The following KAT14 variants were observed in gnomAD, a reference collection of about 807,000 sequenced individuals.
The protein encoded by KAT14 is lysine acetyltransferase 14.
Under a neutral mutation model 78.4 loss-of-function variants are expected in KAT14, and 66 were observed. The observed-to-expected ratio is 0.84, with a 90% CI of 0.69 to 1.03. KAT14 has a LOEUF of 1.03. Among genes scored for constraint, KAT14 ranks in the 50% least tolerant of loss-of-function variants. KAT14 has a pLI of 0.00. For missense variants in KAT14, 870 were observed against 972.5 expected (o/e 0.89, Z 1.40); for synonymous variants, 344 against 359.4 (o/e 0.96, Z 0.48).
chr20:18,171,587 G>A (rs915062731), intron 7 of KAT14, among the ~76,000 whole-genome samples: 2 of 152,188 alleles, frequency 1.3e-5, no homozygotes, highest in Admixed American at 6.5e-5. Flanking sequence ...CGAGGCGGGC[G>A]GATCACGTGA....
chr20:18,163,775 T>C (rs2038534495), intron 7 of KAT14, among the ~76,000 whole-genome samples: 1 of 152,156 alleles, frequency 6.6e-6, no homozygotes, highest in Admixed American at 6.6e-5. Context: ...GCTGGACATG[T>C]GGTGTGTGGG....
intron 7 of KAT14, among the ~76,000 whole-genome samples, chr20:18,181,089 C>T (rs1354102808): frequency 6.6e-6 from 1 of 152,088 alleles, no homozygotes; most frequent in African/African-American, 2.4e-5. Context: ...AAAGTGAAGC[C>T]TAGAGAAGCT....
chr20:18,155,483 A>G (rs1330579293), intron 4 of KAT14, among the ~76,000 whole-genome samples: 1 of 152,114 alleles, frequency 6.6e-6, no homozygotes, highest in Admixed American at 6.6e-5. Flanking sequence ...AATACTGGGT[A>G]TTTGTGCTCT....
At position 18,164,611 on chromosome 20, in the gene KAT14, C is replaced by CTTTTTTTTTTTTTTT. The variant is rs1568669495; in HGVS notation, c.1668+1668_1668+1669insTTTTTTTTTTTTTTT. 2.4e-4 allele frequency among the ~76,000 whole-genome samples: 10 copies of CTTTTTTTTTTTTTTT among 42,492 alleles called. 5 individuals carry two copies. Among genetic ancestry groups the CTTTTTTTTTTTTTTT allele is most frequent in the Non-Finnish European group, 4.5e-4 (8 of 17,942 alleles). 27.9% of individuals were successfully genotyped at this position (42,492 alleles called of 152,430 possible). A position where few individuals can be genotyped will look rare whatever the true frequency, so the allele number is the denominator to read the frequency against. On this transcript the variant is annotated intron_variant, in intron 7 of 10. Transcript: ENST00000688188. ...TTTGTTAGTCATCTATTCACTTGTT[C>CTTTTTTTTTTTTTTT]TTGTTCTTTTTTTTTTTTTTTTTGA...
At chr20:18,175,730 T>C (rs112716865) in intron 7 of KAT14, among the ~76,000 whole-genome samples, 1 of 151,952 alleles carries the variant, frequency 6.6e-6, no homozygotes, top group Middle Eastern at 3.4e-3. Context: ...GTACATAACA[T>C]ACACCGAGAG....
At chr20:18,140,840 A>AAACAG (rs1230581728) in intron 1 of KAT14, among the ~76,000 whole-genome samples, 1 of 140,438 alleles carries the variant, frequency 7.1e-6, no homozygotes, top group African/African-American at 2.7e-5. Flanking sequence ...AAAAAAACCA[A>AAACAG]TAAAACAAAA....
At chr20:18,184,205 C>T (rs191900956) in intron 9 of KAT14, among the ~76,000 whole-genome samples, 42 of 152,236 alleles carry the variant, frequency 2.8e-4, no homozygotes, top group Admixed American at 5.9e-4. Context: ...AGAACACGCT[C>T]GGAGGATCTT....
chr20:18,164,218 C>T (rs916569239), intron 7 of KAT14, among the ~76,000 whole-genome samples: 10 of 152,246 alleles, frequency 6.6e-5, no homozygotes, highest in Non-Finnish European at 1.0e-4. Flanking sequence ...GGAGCCAAGT[C>T]GGGAGGGCCC....
chr20:18,181,978 T>C, intron 8 of KAT14, 132 bp downstream of exon 8: 1 of 1,361,004 alleles, frequency 7.3e-7, no homozygotes, highest in African/African-American at 1.5e-5. Flanking sequence ...GACTGAGTTC[T>C]GTGCTTCACC....
rs2038943605 is a variant in KAT14 at position 18,173,938 on chromosome 20, T to G, written c.1669-7772T>G. 2.0e-5 allele frequency among the ~76,000 whole-genome samples: 3 copies of G among 152,206 alleles called. No individual in the cohort carries two copies. In the South Asian group the frequency reaches 6.2e-4, roughly 32 times the overall value. On this transcript the variant is annotated intron_variant, in intron 7 of 10. Transcript: ENST00000688188. ...GAACCATAATCAATTTTAGAACATTTTGTTAACCCACAAAGAATCCCTGAA... is the reference window on the plus strand; with the variant it reads ...GAACCATAATCAATTTTAGAACATTGTGTTAACCCACAAAGAATCCCTGAA...
chr20:18,157,525 G>A (rs1439515064), intron 4 of KAT14, among the ~76,000 whole-genome samples: 2 of 152,104 alleles, frequency 1.3e-5, no homozygotes, highest in Non-Finnish European at 2.9e-5. Context: ...GTATGTTCAC[G>A]TATTTGAATA....
chr20:18,164,208 G>A (rs2038550395), intron 7 of KAT14, among the ~76,000 whole-genome samples: 1 of 152,122 alleles, frequency 6.6e-6, no homozygotes, highest in African/African-American at 2.4e-5. Flanking sequence ...CTGCCTACCA[G>A]GAGCCAAGTC....
intron 4 of KAT14, among the ~76,000 whole-genome samples, chr20:18,152,576 C>T (rs756000667): frequency 6.6e-6 from 1 of 152,132 alleles, no homozygotes; most frequent in African/African-American, 2.4e-5. Context: ...GACTCCATCT[C>T]AAACAAACAA....
chr20:18,183,181 C>T lies in KAT14; in HGVS notation c.1864C>T (p.Leu622=). The T allele has an allele frequency of 2.5e-6, 4 of 1,613,994 alleles. No individual in the cohort carries two copies. In the South Asian group the frequency reaches 3.3e-5, roughly 13 times the overall value. Residue 622 remains leucine, a synonymous_variant, in exon 9 of 11, where the codon CTG becomes TTG. Transcript: ENST00000688188. The part of the protein sequence containing the change: ...LQLLSQIRSH[L]HRSDPHWTPE... ...GCTCCTGTCACAGATTCGTTCCCACCTGCACAGGAGCGACCCTCACTGGAC... is the reference window on the plus strand; with the variant it reads ...GCTCCTGTCACAGATTCGTTCCCACTTGCACAGGAGCGACCCTCACTGGAC...
rs2038433402 is a variant in KAT14 at position 18,161,816 on chromosome 20, T to C, written c.683-7T>C. The C allele has an allele frequency of 6.2e-7, 1 of 1,610,020 alleles. No individual in the cohort carries two copies. Among genetic ancestry groups the C allele is most frequent in the Non-Finnish European group, 8.5e-7 (1 of 1,178,522 alleles). On this transcript the variant is annotated splice_polypyrimidine_tract_variant and splice_region_variant and intron_variant, in intron 5 of 10. Transcript: ENST00000688188. Reference sequence around the variant, plus strand: ...ATACTCAGCCTGTATTTATTCTTTCTTAGCAGCCTCAAAACCAACTTTAGA... The same window carrying C: ...ATACTCAGCCTGTATTTATTCTTTCCTAGCAGCCTCAAAACCAACTTTAGA...
At chr20:18,144,912 A>AT (rs1026042218) in intron 2 of KAT14, among the ~76,000 whole-genome samples, 2 of 152,096 alleles carry the variant, frequency 1.3e-5, no homozygotes, top group African/African-American at 4.8e-5. Flanking sequence ...GGGAGCTCAT[A>AT]TTTTTTGAAA....
chr20:18,182,031 G>A (rs2039278243), intron 8 of KAT14, among the ~76,000 whole-genome samples, 185 bp downstream of exon 8: 1 of 152,136 alleles, frequency 6.6e-6, no homozygotes, highest in Non-Finnish European at 1.5e-5. Flanking sequence ...CTTTTTTGCA[G>A]AGAACATGGT....
rs550863221 is a variant in KAT14, at chr20:18,138,200, C to T, written c.-454+149C>T. 434 of 1,263,390 alleles carry T rather than the reference C, an allele frequency of 3.4e-4. 4 individuals carry two copies. The African/African-American group carries it at 5.8e-3, about 17-fold the overall frequency. The allele number at this position is 1,263,390 out of a possible 1,614,324, so 78.3% of individuals were successfully genotyped here. On this transcript the variant is annotated intron_variant, in intron 1 of 10. Transcript: ENST00000688188. Reference sequence around the variant, plus strand: ...CCTGCACCCCACGCGTTTGCGGCTGCGGCCGGCGGCCGCTCTGCTGGGCTC... The same window carrying T: ...CCTGCACCCCACGCGTTTGCGGCTGTGGCCGGCGGCCGCTCTGCTGGGCTC...
At chr20:18,141,529 T>G (rs2146332350) in intron 1 of KAT14, among the ~76,000 whole-genome samples, 2 of 152,300 alleles carry the variant, frequency 1.3e-5, no homozygotes, top group East Asian at 3.9e-4. Context: ...GAAGAGTAGT[T>G]TAGAGTGTTA....
Sources: allele counts gnomAD v4.1 joint callset (sites outside exome capture counted in the v4.1 genomes callset), GRCh38; gene constraint gnomAD v4.1.1; transcripts MANE v1.5; gene names NCBI Gene and HGNC (gene_info 2026-07-23, HGNC 2026-07-21).